The following NCAM2 variants were observed in gnomAD, a reference collection of about 807,000 sequenced individuals.
NCAM2 encodes the protein neural cell adhesion molecule 2.
NCAM2 carries 30 observed loss-of-function variants against 98.1 expected under a neutral mutation model. The observed-to-expected ratio is 0.31, with a 90% CI of 0.23 to 0.41. The LOEUF (loss-of-function observed/expected upper bound fraction) is 0.41. NCAM2 is among the 10% of genes least tolerant of loss of function. The pLI, the probability that NCAM2 is intolerant of heterozygous loss-of-function variation, is 1.00. For synonymous variants in NCAM2, 368 were observed against 342.4 expected, an observed-to-expected ratio of 1.07 and a Z score of -0.83; for missense variants, 867 against 1,005.8, an observed-to-expected ratio of 0.86 and a Z score of 1.87.
intron 9 of NCAM2, among the ~76,000 whole-genome samples, chr21:21,374,272 TC>T (rs1320508318): frequency 1.3e-5 from 2 of 151,838 alleles, no homozygotes; most frequent in Non-Finnish European, 2.9e-5. Context: ...AACATTGAAC[TC>T]AAAACACAGT....
intron 1 of NCAM2, among the ~76,000 whole-genome samples, chr21:21,143,076 A>T (rs752882919): frequency 3.9e-5 from 6 of 152,154 alleles, no homozygotes; most frequent in African/African-American, 1.4e-4. Flanking sequence ...TCGAAGGGTA[A>T]TGATTAAGTT....
At chr21:21,071,986 C>G (rs2065581307) in intron 1 of NCAM2, among the ~76,000 whole-genome samples, 1 of 151,968 alleles carries the variant, frequency 6.6e-6, no homozygotes, top group African/African-American at 2.4e-5. Context: ...GATCTCGGCT[C>G]ACTGCAAGCT....
At chr21:21,416,430 T>G (rs1387846588) in intron 10 of NCAM2, among the ~76,000 whole-genome samples, 1 of 151,512 alleles carries the variant, frequency 6.6e-6, no homozygotes, top group Non-Finnish European at 1.5e-5. Context: ...CATGGGCAAC[T>G]GTTGTTGAAA....
chr21:21,229,485 A>T (rs1268743020), intron 1 of NCAM2, among the ~76,000 whole-genome samples: 1 of 151,550 alleles, frequency 6.6e-6, no homozygotes, highest in Non-Finnish European at 1.5e-5. Context: ...ACATTTGCAG[A>T]TACTTTGCAT....
chr21:21,129,191 A>T (rs2066886467), intron 1 of NCAM2, among the ~76,000 whole-genome samples: 1 of 152,126 alleles, frequency 6.6e-6, no homozygotes, highest in African/African-American at 2.4e-5. Context: ...ATAGACTGAA[A>T]ATTTATATCA....
At chr21:21,519,903 C>A (rs1988922546) in intron 16 of NCAM2, among the ~76,000 whole-genome samples, 4 of 152,052 alleles carry the variant, frequency 2.6e-5, no homozygotes, top group Middle Eastern at 3.4e-3. Flanking sequence ...ATTAAAACTG[C>A]ATTAATTACA....
intron 8 of NCAM2, among the ~76,000 whole-genome samples, chr21:21,364,658 A>G (rs563053550): frequency 3.0e-4 from 45 of 152,134 alleles, no homozygotes; most frequent in Non-Finnish European, 5.3e-4. Context: ...ATGTACATAT[A>G]CATATACACA....
At chr21:21,483,880 C>T (rs1224242327) in intron 15 of NCAM2, among the ~76,000 whole-genome samples, 1 of 152,038 alleles carries the variant, frequency 6.6e-6, no homozygotes, top group Admixed American at 6.6e-5. Context: ...AGCTTCTATG[C>T]TTATTGCAAA....
chr21:21,440,981 A>G (rs1403839014), intron 12 of NCAM2, among the ~76,000 whole-genome samples: 4 of 152,208 alleles, frequency 2.6e-5, no homozygotes, highest in Non-Finnish European at 5.9e-5. Flanking sequence ...GACTCGAATT[A>G]GCAGGGTTTC....
At chr21:21,349,424 A>G (rs2075276289) in intron 8 of NCAM2, among the ~76,000 whole-genome samples, 2 of 152,302 alleles carry the variant, frequency 1.3e-5, no homozygotes, top group South Asian at 4.1e-4. Context: ...GAAACTATGC[A>G]ATAAGAAATG....
chr21:21,530,304 T>A (rs1237735410), intron 16 of NCAM2, among the ~76,000 whole-genome samples: 1 of 103,128 alleles, frequency 9.7e-6, no homozygotes, highest in Non-Finnish European at 1.9e-5. Context: ...ATAATTAAAT[T>A]AAATTATATA....
intron 8 of NCAM2, among the ~76,000 whole-genome samples, chr21:21,340,009 G>A (rs2074980996): frequency 6.6e-6 from 1 of 151,676 alleles, no homozygotes; most frequent in African/African-American, 2.4e-5. Context: ...GTTTGCTTTA[G>A]TATATTCTTA....
At chr21:21,535,092 G>A (rs1403141438) in intron 17 of NCAM2, among the ~76,000 whole-genome samples, 1 of 152,062 alleles carries the variant, frequency 6.6e-6, no homozygotes. Context: ...AAATATTTGT[G>A]CAGAGGAGAA....
At chr21:21,107,515 T>G (rs536570980) in intron 1 of NCAM2, among the ~76,000 whole-genome samples, 1 of 152,264 alleles carries the variant, frequency 6.6e-6, no homozygotes, top group South Asian at 2.1e-4. Flanking sequence ...CCTGTATTTT[T>G]CCCTCTACAT....
intron 1 of NCAM2, among the ~76,000 whole-genome samples, chr21:21,175,527 C>A (rs374191048): frequency 6.6e-6 from 1 of 150,928 alleles, no homozygotes; most frequent in Non-Finnish European, 1.5e-5. Flanking sequence ...AGCGAGACTC[C>A]GTCTCAAAAA....
chr21:21,372,478 C>T (rs1450671153), intron 8 of NCAM2, among the ~76,000 whole-genome samples: 3 of 151,650 alleles, frequency 2.0e-5, no homozygotes, highest in Non-Finnish European at 4.4e-5. Flanking sequence ...ATTAACCTGT[C>T]TCAATCAAAT....
chr21:21,038,008 C>G (rs926534577), intron 1 of NCAM2, among the ~76,000 whole-genome samples: 1 of 152,144 alleles, frequency 6.6e-6, no homozygotes, highest in Non-Finnish European at 1.5e-5. Flanking sequence ...TTTGCACATG[C>G]TTTGCACATG....
At chr21:21,388,295 A>G (rs232433) in intron 9 of NCAM2, among the ~76,000 whole-genome samples, 60,287 of 152,038 alleles carry the variant, frequency 0.4, 12,524 homozygotes, top group East Asian at 0.58. Flanking sequence ...TTGCTAAACA[A>G]TTTAATCCAT....
At chr21:21,239,962 T>G (rs2070999152) in intron 1 of NCAM2, among the ~76,000 whole-genome samples, 1 of 152,120 alleles carries the variant, frequency 6.6e-6, no homozygotes, top group Non-Finnish European at 1.5e-5. Context: ...TCTCTTTCTC[T>G]GTCTCTCTCC....
Sources: allele counts gnomAD v4.1 joint callset (sites outside exome capture counted in the v4.1 genomes callset), GRCh38; gene constraint gnomAD v4.1.1; transcripts MANE v1.5; gene names NCBI Gene and HGNC (gene_info 2026-07-23, HGNC 2026-07-21).